The following BCO1 variants were observed in gnomAD, a reference collection of about 807,000 sequenced individuals.
The protein encoded by BCO1 is beta,beta-carotene 15,15'-dioxygenase.
BCO1 carries 54 observed loss-of-function variants against 56.3 expected under a neutral mutation model. The observed-to-expected ratio is 0.96, with a 90% CI of 0.77 to 1.20. BCO1 has a LOEUF of 1.20. Among genes scored for constraint, BCO1 ranks in the 50% most tolerant of loss-of-function variants. The pLI is 0.00. For missense variants in BCO1, 801 were observed against 690.9 expected (o/e 1.16, Z -1.79); for synonymous variants, 318 against 266.1 (o/e 1.20, Z -1.90).
intron 2 of BCO1, among the ~76,000 whole-genome samples, chr16:81,259,021 G>T (rs371667394): frequency 1.3e-5 from 2 of 152,066 alleles, no homozygotes; most frequent in African/African-American, 4.8e-5. Context: ...CTCATCACCA[G>T]AACAACACTA....
At chr16:81,240,749 C>G (rs1283250145) in intron 1 of BCO1, among the ~76,000 whole-genome samples, 1 of 151,872 alleles carries the variant, frequency 6.6e-6, no homozygotes, top group East Asian at 1.9e-4. Flanking sequence ...CCTGGCCAAC[C>G]TGGTATGGTG....
At chr16:81,240,936 G>A (rs1490923044) in intron 1 of BCO1, among the ~76,000 whole-genome samples, 2 of 148,534 alleles carry the variant, frequency 1.3e-5, no homozygotes, top group Non-Finnish European at 3.0e-5. Context: ...CTGGGTTCAA[G>A]CGATTCTTCT....
At chr16:81,283,128 CTA>C (rs1907976917) in intron 8 of BCO1, among the ~76,000 whole-genome samples, 1 of 152,202 alleles carries the variant, frequency 6.6e-6, no homozygotes, top group Non-Finnish European at 1.5e-5. Flanking sequence ...TCCATATCAT[CTA>C]GAATGTTCCG....
Position 81,258,290 on chromosome 16 carries a change from G to A in BCO1, c.194-1386G>A, listed in dbSNP as rs147427735. Among the ~76,000 whole-genome samples, 404 of 152,262 alleles carry A rather than the reference G, an allele frequency of 2.7e-3. 1 individual carries two copies. The highest frequency in any genetic ancestry group is 9.3e-3 in the African/African-American group (385 of 41,542). ...AACTAACACGGGTCTAGAACCATCT[G>A]GTATATTTTGAGGTTGGTCTCAATG... On this transcript the variant is annotated intron_variant, in intron 2 of 10. Coordinates refer to ENST00000258168, the MANE Select transcript of BCO1 (RefSeq NM_017429.3).
chr16:81,245,496 A>G lies in BCO1; in HGVS notation c.86A>G (p.Gln29Arg). ...KVTGKIPAWL[Q>R]GTLLRNGPGM... ...TCAGGCAAGATTCCAGCATGGCTGCAGGGAACCCTGCTCCGCAATGGGCCT... is the reference window on the plus strand; with the variant it reads ...TCAGGCAAGATTCCAGCATGGCTGCGGGGAACCCTGCTCCGCAATGGGCCT... Residue 29 changes from glutamine (Q) to arginine (R), a missense_variant, in exon 2 of 11, where the codon CAG becomes CGG. By Grantham distance (43) the Gln-to-Arg change is conservative. Transcript: ENST00000258168. 1.2e-6 allele frequency: 2 copies of G among 1,614,242 alleles called. No homozygotes were observed. Among genetic ancestry groups the G allele is most frequent in the Non-Finnish European group, 1.7e-6 (2 of 1,180,050 alleles).
At chr16:81,250,022 C>T (rs79436831) in intron 2 of BCO1, among the ~76,000 whole-genome samples, 2,900 of 152,246 alleles carry the variant, frequency 0.019, 41 homozygotes, top group Non-Finnish European at 0.031. Context: ...GCAATACTTT[C>T]CCAGTCAAAC....
intron 7 of BCO1, among the ~76,000 whole-genome samples, chr16:81,271,511 A>G (rs1006688374): frequency 2.6e-5 from 4 of 152,080 alleles, no homozygotes; most frequent in Non-Finnish European, 5.9e-5. Flanking sequence ...CATCACCTCC[A>G]AAACACACCC....
intron 7 of BCO1, among the ~76,000 whole-genome samples, chr16:81,278,023 A>G (rs1907657531): frequency 6.6e-6 from 1 of 152,082 alleles, no homozygotes; most frequent in African/African-American, 2.4e-5. Context: ...AGGTGGAGGC[A>G]TTGAAAGTTT....
chr16:81,282,878 C>T lies in BCO1; in HGVS notation c.1207+1916C>T, dbSNP rs77473193. ...GTTCTCAGACTCTCTCATTTCATCC[C>T]GGCAGTGTCATTCTTTTATTGTTGA... On this transcript the variant is annotated intron_variant, in intron 8 of 10. Transcript: ENST00000258168. Among the ~76,000 whole-genome samples the T allele has an allele frequency of 4.0e-3, 606 of 152,230 alleles. 2 individuals are homozygous for T. Among genetic ancestry groups the T allele is most frequent in the African/African-American group, 0.014 (584 of 41,546 alleles).
intron 1 of BCO1, 148 bp from the exon 2 acceptor site, chr16:81,245,327 C>A: frequency 1.6e-6 from 2 of 1,249,352 alleles, no homozygotes; most frequent in Non-Finnish European, 2.3e-6. Flanking sequence ...ACACATTATA[C>A]ACTTTCTGGA....
At chr16:81,266,114 A>C (rs1327161711) in intron 5 of BCO1, among the ~76,000 whole-genome samples, 2 of 152,046 alleles carry the variant, frequency 1.3e-5, no homozygotes, top group Admixed American at 1.3e-4. Flanking sequence ...ACCTACTTTC[A>C]TTCCTAGCCC....
chr16:81,272,409 C>T (rs1259829338), intron 7 of BCO1, among the ~76,000 whole-genome samples: 1 of 152,110 alleles, frequency 6.6e-6, no homozygotes. Context: ...TGAGCCACCG[C>T]GCCCGGCCCA....
At chr16:81,264,499 A>G in intron 4 of BCO1, 141 bp from the exon 5 acceptor site, 6 of 1,027,956 alleles carry the variant, frequency 5.8e-6, no homozygotes, top group South Asian at 5.3e-5. Context: ...GTGCAAAAAT[A>G]TCCCTCATCT....
Position 81,268,048 on chromosome 16 carries a change from A to G in BCO1, c.760A>G (p.Arg254Gly). ...NYVIFLEQPFRLDILKMATAY... is the reference protein window; with the variant it reads ...NYVIFLEQPFGLDILKMATAY... ...TGTCATCTTCCTTGAGCAGCCTTTC[A>G]GGTTGGATATTCTCAAGATGGCAAC... Residue 254 changes from arginine (R) to glycine (G), a missense_variant, in exon 6 of 11, where the codon AGG (arginine) becomes GGG (glycine). Physicochemically the swap from Arg to Gly is moderately radical, Grantham distance 125. Transcript: ENST00000258168. 1.9e-6 allele frequency: 3 copies of G among 1,613,266 alleles called. No individual in the cohort carries two copies. Among genetic ancestry groups the G allele is most frequent in the Non-Finnish European group, 1.7e-6 (2 of 1,179,958 alleles).
intron 5 of BCO1, among the ~76,000 whole-genome samples, chr16:81,265,066 A>G (rs969156923): frequency 2.6e-5 from 4 of 151,940 alleles, no homozygotes; most frequent in African/African-American, 7.3e-5. Flanking sequence ...CCATCCATCC[A>G]TCATCTATTT....
intron 8 of BCO1, among the ~76,000 whole-genome samples, chr16:81,281,945 G>A (rs1359369255): frequency 6.6e-6 from 1 of 152,240 alleles, no homozygotes; most frequent in Non-Finnish European, 1.5e-5. Context: ...GGCGAGAATT[G>A]TGTTGCTGTG....
Position 81,243,171 on chromosome 16 carries a change from G to A in BCO1, c.65-2304G>A, listed in dbSNP as rs552238068. ...TGTTCTGGAATTAGGTGATGGTTGC[G>A]CAACATTGTGAATACACTAGAACCC... On this transcript the variant is annotated intron_variant, in intron 1 of 10. Transcript: ENST00000258168. 1.4e-4 allele frequency among the ~76,000 whole-genome samples: 21 copies of A among 152,198 alleles called. No individual in the cohort carries two copies. The South Asian group carries it at 1.5e-3, about 11-fold the overall frequency.
intron 8 of BCO1, among the ~76,000 whole-genome samples, chr16:81,284,115 C>G (rs915949894): frequency 1.3e-5 from 2 of 151,520 alleles, no homozygotes; most frequent in African/African-American, 4.8e-5. Context: ...ATTGCTTGAA[C>G]CTGGGAGGCG....
At chr16:81,254,089 A>G (rs983835610) in intron 2 of BCO1, among the ~76,000 whole-genome samples, 1 of 152,046 alleles carries the variant, frequency 6.6e-6, no homozygotes, top group Non-Finnish European at 1.5e-5. Context: ...CTGGAGGAGG[A>G]ACTAGCAGGT....
Sources: gnomAD v4.1 joint callset for allele counts (sites outside exome capture counted in the v4.1 genomes callset) on GRCh38, gnomAD v4.1.1 for gene constraint, MANE v1.5 for transcripts, NCBI Gene and HGNC (gene_info 2026-07-23, HGNC 2026-07-21) for gene names.